Variants in PCDH15 observed in about 807,000 individuals in gnomAD.
PCDH15 encodes protocadherin-15.
A neutral mutation model predicts 178.5 loss-of-function variants in PCDH15; 129 were observed. The observed-to-expected ratio is 0.72, with a 90% CI of 0.63 to 0.84. PCDH15 has a LOEUF of 0.84. PCDH15 is among the 40% of genes least tolerant of loss of function. The pLI is 0.00. For missense variants in PCDH15, 2,230 were observed against 2,099.9 expected (o/e 1.06, Z -1.21); for synonymous variants, 800 against 732.0 (o/e 1.09, Z -1.50).
At chr10:54,512,721 G>A (rs1021808475) in intron 3 of PCDH15, among the ~76,000 whole-genome samples, 4 of 151,856 alleles carry the variant, frequency 2.6e-5, no homozygotes, top group African/African-American at 4.8e-5. Context: ...TTACTAACAC[G>A]TAGAATAGAC....
At chr10:54,382,885 T>C (rs933965451) in intron 3 of PCDH15, among the ~76,000 whole-genome samples, 9 of 152,158 alleles carry the variant, frequency 5.9e-5, no homozygotes, top group African/African-American at 1.9e-4. Context: ...TGTTATACAA[T>C]AACAGGTAAT....
intron 2 of PCDH15, among the ~76,000 whole-genome samples, chr10:55,110,425 G>T (rs1365420516): frequency 1.3e-5 from 2 of 151,960 alleles, no homozygotes; most frequent in Non-Finnish European, 2.9e-5. Context: ...TTAAAAAGCC[G>T]CATTGTATTA....
At chr10:55,158,062 ATG>A (rs372901080) in intron 2 of PCDH15, among the ~76,000 whole-genome samples, 3 of 128,850 alleles carry the variant, frequency 2.3e-5, no homozygotes, top group African/African-American at 9.8e-5. Context: ...TCACACAAAT[ATG>A]TGTGTATGTG....
chr10:53,923,048 C>A (rs1379133922), intron 25 of PCDH15, among the ~76,000 whole-genome samples: 1 of 152,132 alleles, frequency 6.6e-6, no homozygotes, highest in African/African-American at 2.4e-5. Flanking sequence ...GATCGTGCCA[C>A]TGCACTCTAG....
intron 2 of PCDH15, among the ~76,000 whole-genome samples, chr10:55,518,974 G>A (rs1477126517): frequency 2.0e-5 from 3 of 150,622 alleles, no homozygotes. Flanking sequence ...TGCGCCTGTA[G>A]TCCCAGCTAC....
At chr10:55,076,370 A>G (rs1841886588) in intron 2 of PCDH15, among the ~76,000 whole-genome samples, 4 of 150,822 alleles carry the variant, frequency 2.7e-5, no homozygotes, top group Non-Finnish European at 5.9e-5. Context: ...GTTTAGCTCT[A>G]TAAATCTGGG....
intron 2 of PCDH15, among the ~76,000 whole-genome samples, chr10:55,598,398 G>A (rs1360410906): frequency 6.6e-6 from 1 of 150,698 alleles, no homozygotes; most frequent in Non-Finnish European, 1.5e-5. Flanking sequence ...AAACTCAAAG[G>A]ACTTGGCGGT....
intron 8 of PCDH15, among the ~76,000 whole-genome samples, chr10:54,256,299 A>C (rs937773562): frequency 6.6e-6 from 1 of 152,238 alleles, no homozygotes; most frequent in Non-Finnish European, 1.5e-5. Context: ...GATGACTAAC[A>C]AAGCAACTAA....
At chr10:54,911,519 CT>C (rs1564624011) in intron 2 of PCDH15, among the ~76,000 whole-genome samples, 2 of 152,078 alleles carry the variant, frequency 1.3e-5, no homozygotes, top group African/African-American at 4.8e-5. Context: ...AGCACAGTAC[CT>C]AGAGAAACAC....
At chr10:53,823,569 A>T in intron 32 of PCDH15, 1 of 671,980 alleles carries the variant, frequency 1.5e-6, no homozygotes, top group Non-Finnish European at 2.7e-6. Flanking sequence ...AGAATGAGAA[A>T]TGTAAATGAA....
intron 8 of PCDH15, among the ~76,000 whole-genome samples, chr10:54,245,671 A>G (rs1564778465): frequency 6.6e-6 from 1 of 152,098 alleles, no homozygotes; most frequent in Non-Finnish European, 1.5e-5. Context: ...CAAAAATTGG[A>G]ACTGTTGAAG....
intron 2 of PCDH15, among the ~76,000 whole-genome samples, chr10:54,591,650 T>A (rs1410528896): frequency 6.6e-6 from 1 of 152,102 alleles, no homozygotes; most frequent in East Asian, 1.9e-4. Context: ...GAAAACAATT[T>A]TAAAATACAT....
chr10:54,110,046 T>C (rs2094987933), intron 15 of PCDH15, among the ~76,000 whole-genome samples: 1 of 152,060 alleles, frequency 6.6e-6, no homozygotes. Flanking sequence ...GTTTGGGGTA[T>C]GGTATTTGTG....
chr10:54,344,567 GA>G (rs1248805585), intron 6 of PCDH15, among the ~76,000 whole-genome samples: 2 of 152,022 alleles, frequency 1.3e-5, no homozygotes, highest in Non-Finnish European at 2.9e-5. Context: ...TACTTGCTGG[GA>G]GGTTTTATTT....
chr10:53,876,151 G>A (rs2080212406), intron 26 of PCDH15, among the ~76,000 whole-genome samples: 1 of 151,574 alleles, frequency 6.6e-6, no homozygotes, highest in Non-Finnish European at 1.5e-5. Context: ...AGCTTTGGCA[G>A]GTTAGAACCA....
At chr10:55,188,779 T>C (rs1465713079) in intron 1 of PCDH15, among the ~76,000 whole-genome samples, 1 of 151,906 alleles carries the variant, frequency 6.6e-6, no homozygotes, top group Non-Finnish European at 1.5e-5. Flanking sequence ...CATGTGTATA[T>C]ATACATATAT....
At chr10:55,307,821 CTAAT>C (rs76186613) in intron 1 of PCDH15, among the ~76,000 whole-genome samples, 384 of 151,906 alleles carry the variant, frequency 2.5e-3, no homozygotes, top group Admixed American at 4.2e-3. Context: ...GCCTATCCTA[CTAAT>C]TATTTTTGAT....
chr10:54,544,963 T>C (rs1324545983), intron 2 of PCDH15, among the ~76,000 whole-genome samples: 3 of 152,134 alleles, frequency 2.0e-5, no homozygotes, highest in Non-Finnish European at 4.4e-5. Flanking sequence ...TTTTCAATTA[T>C]CATAATCAGA....
chr10:54,332,008 A>G (rs1031340674), intron 6 of PCDH15, among the ~76,000 whole-genome samples: 1 of 151,428 alleles, frequency 6.6e-6, no homozygotes, highest in Non-Finnish European at 1.5e-5. Flanking sequence ...GTCAGGATAT[A>G]AAATTTAGAA....
Sources: allele counts gnomAD v4.1 joint callset (sites outside exome capture counted in the v4.1 genomes callset), GRCh38; gene constraint gnomAD v4.1.1; transcripts MANE v1.5; gene names NCBI Gene and HGNC (gene_info 2026-07-23, HGNC 2026-07-21).